NRG1: variants seen among roughly 807,000 people sequenced by gnomAD.
The protein encoded by NRG1 is pro-neuregulin-1, membrane-bound isoform.
In NRG1, 18 loss-of-function variants were observed where a neutral mutation model predicts 63.8. The ratio of observed to expected loss-of-function variants is 0.28; its 90% CI spans 0.19 to 0.42. The LOEUF (loss-of-function observed/expected upper bound fraction) is 0.42, where lower values mean the gene tolerates loss of function less well. NRG1 is among the 10% of genes least tolerant of loss of function. The pLI is 1.00. For missense variants in NRG1, 762 were observed against 814.7 expected, an observed-to-expected ratio of 0.94 and a Z score of 0.79; for synonymous variants, 302 against 301.3, an observed-to-expected ratio of 1.00 and a Z score of -0.02.
chr8:31,800,886 G>C (rs1821713525), intron 1 of NRG1, among the ~76,000 whole-genome samples: 1 of 139,276 alleles, frequency 7.2e-6, no homozygotes, highest in Non-Finnish European at 1.5e-5. Context: ...CATCTCCCAG[G>C]CTGGAGTGCA....
chr8:32,396,473 A>G (rs1384289555), intron 1 of NRG1, among the ~76,000 whole-genome samples: 1 of 152,174 alleles, frequency 6.6e-6, no homozygotes, highest in Admixed American at 6.5e-5. Context: ...TTAGAGATGG[A>G]GTTTTGTTCT....
intron 1 of NRG1, among the ~76,000 whole-genome samples, chr8:32,058,205 A>C (rs1374018760): frequency 6.6e-6 from 1 of 152,042 alleles, no homozygotes; most frequent in South Asian, 2.1e-4. Context: ...TCATCATGAA[A>C]TTTTATAGGG....
intron 1 of NRG1, among the ~76,000 whole-genome samples, chr8:32,557,080 A>C (rs1374933178): frequency 1.3e-5 from 2 of 152,076 alleles, no homozygotes; most frequent in African/African-American, 4.8e-5. Context: ...ATCTCAGCTC[A>C]CTGCAAGCTC....
intron 1 of NRG1, among the ~76,000 whole-genome samples, chr8:32,268,772 G>T (rs548152545): frequency 1.3e-5 from 2 of 152,090 alleles, no homozygotes; most frequent in Non-Finnish European, 2.9e-5. Context: ...ATTTTAGTTT[G>T]TGATACTCAG....
intron 5 of NRG1, among the ~76,000 whole-genome samples, chr8:32,637,562 A>G (rs1460048769): frequency 6.6e-6 from 1 of 152,050 alleles, no homozygotes; most frequent in Non-Finnish European, 1.5e-5. Flanking sequence ...GATACTGATA[A>G]TTTTTGGTAC....
intron 1 of NRG1, among the ~76,000 whole-genome samples, chr8:32,452,407 A>G (rs1184461944): frequency 6.6e-6 from 1 of 152,162 alleles, no homozygotes; most frequent in African/African-American, 2.4e-5. Flanking sequence ...ATAAAAAAAG[A>G]GGAAAGACAG....
intron 1 of NRG1, among the ~76,000 whole-genome samples, chr8:31,835,152 TTTATTTCCCACAAATCTG>T (rs770844963): frequency 1.1e-4 from 16 of 152,362 alleles, no homozygotes; most frequent in Non-Finnish European, 2.2e-4. Context: ...GCTTAGGTCT[TTTATTTCCCACAAATCTG>T]TGAACTAGGA....
At chr8:32,613,298 A>G (rs934784899) in intron 3 of NRG1, among the ~76,000 whole-genome samples, 10 of 152,088 alleles carry the variant, frequency 6.6e-5, no homozygotes, top group Admixed American at 4.6e-4. Context: ...CTAAAGGTTT[A>G]TTGCTAATCA....
intron 1 of NRG1, among the ~76,000 whole-genome samples, chr8:32,381,146 A>G (rs1398560875): frequency 1.3e-5 from 2 of 152,122 alleles, no homozygotes; most frequent in African/African-American, 4.8e-5. Context: ...CCTAACTTCA[A>G]CCTCATTGGT....
chr8:32,122,448 T>G (rs1833569620), intron 1 of NRG1, among the ~76,000 whole-genome samples: 1 of 151,990 alleles, frequency 6.6e-6, no homozygotes, highest in Non-Finnish European at 1.5e-5. Context: ...CCCCAATATA[T>G]TCACATGGGT....
At chr8:32,089,462 T>G (rs764171980) in intron 1 of NRG1, among the ~76,000 whole-genome samples, 2 of 152,212 alleles carry the variant, frequency 1.3e-5, no homozygotes, top group Non-Finnish European at 2.9e-5. Flanking sequence ...ATAACACTAC[T>G]AGTAATACCA....
At chr8:31,890,261 A>G (rs1831045208) in intron 1 of NRG1, among the ~76,000 whole-genome samples, 1 of 152,236 alleles carries the variant, frequency 6.6e-6, no homozygotes, top group Non-Finnish European at 1.5e-5. Context: ...AGATCTTTTC[A>G]AGATATCTAC....
downstream of NRG1, among the ~76,000 whole-genome samples, chr8:32,772,036 A>AT (rs1398032081): frequency 7.9e-4 from 11 of 13,930 alleles, no homozygotes; most frequent in African/African-American, 1.3e-3. Context: ...AAAAAAAAAA[A>AT]ATATGTATAT....
rs140065282 is a variant in NRG1 at position 31,926,046 on chromosome 8, G to T, written c.37+286615G>T. On this transcript the variant is annotated intron_variant, in intron 1 of 10. Transcript: ENST00000519301. ...GTATGAATAAAATGTAAAGGTTCTG[G>T]ATGATGATCTGTTATCTCAGAGAGG... Among the ~76,000 whole-genome samples, 17 of 152,274 alleles carry T rather than the reference G, an allele frequency of 1.1e-4. No homozygotes were observed. The East Asian group carries it at 3.1e-3, about 28-fold the overall frequency.
chr8:32,763,185 A>G (rs1347304390), intron 11 of NRG1: 1 of 1,608,046 alleles, frequency 6.2e-7, no homozygotes, highest in African/African-American at 1.3e-5. Context: ...TCAGGAATAA[A>G]TCTAAGTTAC....
At chr8:32,272,407 A>C (rs967721995) in intron 1 of NRG1, among the ~76,000 whole-genome samples, 2 of 152,114 alleles carry the variant, frequency 1.3e-5, no homozygotes. Context: ...ATATCAACAC[A>C]TTGGGAGTTA....
At chr8:32,705,658 A>T (rs1026848906) in intron 5 of NRG1, among the ~76,000 whole-genome samples, 1 of 152,186 alleles carries the variant, frequency 6.6e-6, no homozygotes, top group Non-Finnish European at 1.5e-5. Context: ...TAAGACTTAG[A>T]TGTAGCACTT....
intron 1 of NRG1, among the ~76,000 whole-genome samples, chr8:32,228,010 A>G (rs1472876342): frequency 6.6e-6 from 1 of 152,214 alleles, no homozygotes; most frequent in African/African-American, 2.4e-5. Context: ...TTTCTCTCAG[A>G]TATTAAGAAT....
chr8:32,084,770 G>A (rs1007846278), intron 1 of NRG1, among the ~76,000 whole-genome samples: 2 of 152,142 alleles, frequency 1.3e-5, no homozygotes, highest in African/African-American at 4.8e-5. Flanking sequence ...TGGGTAGCTG[G>A]TGGGGTAGTG....
Sources: allele counts gnomAD v4.1 joint callset (sites outside exome capture counted in the v4.1 genomes callset), GRCh38; gene constraint gnomAD v4.1.1; transcripts MANE v1.5; gene names NCBI Gene and HGNC (gene_info 2026-07-23, HGNC 2026-07-21).